ESR1: variants seen among roughly 807,000 people sequenced by gnomAD.
ESR1 encodes the protein estrogen receptor.
ESR1 carries 12 observed loss-of-function variants against 52.7 expected under a neutral mutation model. The observed-to-expected ratio is 0.23, with a 90% CI of 0.15 to 0.37. ESR1 has a LOEUF of 0.37. Among genes scored for constraint, ESR1 ranks in the 10% least tolerant of loss-of-function variants. The probability of loss-of-function intolerance (pLI) is 1.00; values close to 1 mark genes in which losing one functional copy is unlikely to be tolerated. For missense variants in ESR1, 584 were observed against 779.7 expected (o/e 0.75, Z 2.99); for synonymous variants, 305 against 316.8 (o/e 0.96, Z 0.39).
At chr6:151,771,784 T>C (rs771065357) in intron 2 of ESR1, among the ~76,000 whole-genome samples, 1 of 152,260 alleles carries the variant, frequency 6.6e-6, no homozygotes, top group Non-Finnish European at 1.5e-5. Flanking sequence ...CTTTTTACTT[T>C]ACCCACTTCT....
chr6:151,857,679 C>T (rs1377017974), intron 2 of ESR1, among the ~76,000 whole-genome samples: 1 of 152,090 alleles, frequency 6.6e-6, no homozygotes, highest in Non-Finnish European at 1.5e-5. Flanking sequence ...CAGGCGCCTG[C>T]CACCATGCCT....
chr6:152,096,191 C>G (rs985652077), intron 7 of ESR1, among the ~76,000 whole-genome samples: 1 of 152,162 alleles, frequency 6.6e-6, no homozygotes, highest in Non-Finnish European at 1.5e-5. Flanking sequence ...CAAGTGGTAT[C>G]ACTAAAAGGA....
At chr6:152,011,575 T>A (rs2128777139) in intron 4 of ESR1, 81 bp from the exon 5 acceptor site, 1 of 1,535,040 alleles carries the variant, frequency 6.5e-7, no homozygotes, top group South Asian at 1.1e-5. Flanking sequence ...ACCTTGTCAG[T>A]TCAAATCCCT....
chr6:151,696,823 C>T (rs1293935), intron 1 of ESR1, among the ~76,000 whole-genome samples: 10 of 151,880 alleles, frequency 6.6e-5, no homozygotes, highest in Admixed American at 1.3e-4. Flanking sequence ...GAAGTGTAAA[C>T]AGAAGAAGGT....
intron 2 of ESR1, among the ~76,000 whole-genome samples, chr6:151,759,530 A>T (rs4644077): frequency 0.085 from 12,774 of 150,558 alleles, 964 homozygotes; most frequent in East Asian, 0.29. Context: ...ATAATAATAA[A>T]AAAAGAATAA....
intron 2 of ESR1, among the ~76,000 whole-genome samples, chr6:151,862,403 G>A (rs1789045062): frequency 6.6e-6 from 1 of 152,168 alleles, no homozygotes; most frequent in Non-Finnish European, 1.5e-5. Context: ...AGAGTTGGCT[G>A]GAGTTAGTCC....
At chr6:151,782,942 G>A (rs1040220629) in intron 2 of ESR1, among the ~76,000 whole-genome samples, 1 of 152,262 alleles carries the variant, frequency 6.6e-6, no homozygotes, top group East Asian at 1.9e-4. Flanking sequence ...GTGTGTTTAG[G>A]TGAGTTTTAT....
At chr6:151,706,820 T>C (rs851980) in intron 2 of ESR1, among the ~76,000 whole-genome samples, 37,708 of 152,120 alleles carry the variant, frequency 0.25, 4,813 homozygotes, top group Non-Finnish European at 0.26. Flanking sequence ...ATGACTGCTA[T>C]TCAGTAGAAG....
At chr6:151,678,665 C>T (rs1778341215) in intron 1 of ESR1, among the ~76,000 whole-genome samples, 1 of 150,506 alleles carries the variant, frequency 6.6e-6, no homozygotes, top group Admixed American at 6.7e-5. Context: ...AGACACCTGT[C>T]TGGGCTCAAT....
chr6:151,807,994 C>T lies in ESR1; in HGVS notation c.82C>T (p.Arg28Cys), dbSNP rs1341033484. ...AGGGAACGAGCTGGAGCCCCTGAAC[C>T]GTCCGCAGCTCAAGATCCCCCTGGA... ...IQGNELEPLN[R>C]PQLKIPLERP... The change falls in exon 1 of 8, where the codon CGT becomes TGT. Residue 28 changes from arginine to cysteine, a missense_variant. Physicochemically the swap from Arg to Cys is radical, Grantham distance 180. This residue lies in a region of ESR1 where 251 missense variants were observed against 246.1 expected (regional missense o/e 1.02). Coordinates refer to ENST00000206249, the MANE Select transcript of ESR1 (RefSeq NM_000125.4). The T allele has an allele frequency of 2.5e-6, 4 of 1,613,954 alleles. No individual in the cohort carries two copies. Among genetic ancestry groups the T allele is most frequent in the Non-Finnish European group, 3.4e-6 (4 of 1,179,978 alleles).
intron 3 of ESR1, among the ~76,000 whole-genome samples, chr6:151,899,119 CGGGG>C (rs1796089466): frequency 8.3e-6 from 1 of 119,922 alleles, no homozygotes; most frequent in African/African-American, 3.6e-5. Flanking sequence ...GCTGGCCGGG[CGGGG>C]GGCTGACCCC....
intron 3 of ESR1, among the ~76,000 whole-genome samples, chr6:151,899,043 C>G (rs1418943422): frequency 1.4e-5 from 2 of 147,716 alleles, no homozygotes; most frequent in Non-Finnish European, 3.0e-5. Flanking sequence ...ACCCCCACCT[C>G]CCTCCCGGAC....
chr6:151,853,400 G>A (rs1193716365), intron 2 of ESR1, among the ~76,000 whole-genome samples: 3 of 152,016 alleles, frequency 2.0e-5, no homozygotes, highest in South Asian at 2.1e-4. Flanking sequence ...TGGTTAATGC[G>A]ATCCTGTGAA....
At chr6:151,698,309 T>C (rs1366284526) in intron 1 of ESR1, among the ~76,000 whole-genome samples, 1 of 150,390 alleles carries the variant, frequency 6.6e-6, no homozygotes, top group Non-Finnish European at 1.5e-5. Flanking sequence ...CAGGCTGCAG[T>C]GAGCTGACAT....
At chr6:151,971,280 G>A (rs1443481866) in intron 4 of ESR1, among the ~76,000 whole-genome samples, 2 of 152,020 alleles carry the variant, frequency 1.3e-5, no homozygotes, top group African/African-American at 4.8e-5. Context: ...TGAGATTTTG[G>A]TGCATCCATC....
intron 1 of ESR1, among the ~76,000 whole-genome samples, chr6:151,667,979 T>C (rs1400358203): frequency 6.6e-6 from 1 of 152,162 alleles, no homozygotes; most frequent in Non-Finnish European, 1.5e-5. Flanking sequence ...AAAATCAGAC[T>C]CCAAGGATCA....
At chr6:151,854,489 A>G (rs9340819) in intron 2 of ESR1, among the ~76,000 whole-genome samples, 30 of 152,354 alleles carry the variant, frequency 2.0e-4, no homozygotes, top group South Asian at 1.0e-3. Context: ...GGAACCAAAG[A>G]CAAAACAACT....
intron 2 of ESR1, among the ~76,000 whole-genome samples, chr6:151,850,141 A>T (rs1786375548): frequency 1.9e-4 from 1 of 5,314 alleles, no homozygotes; most frequent in South Asian, 4.9e-3. Flanking sequence ...GTACAGGCTG[A>T]ATTGTGTCTC....
chr6:151,789,274 C>CA (rs1176230483), intron 2 of ESR1, among the ~76,000 whole-genome samples: 1 of 152,110 alleles, frequency 6.6e-6, no homozygotes, highest in African/African-American at 2.4e-5. Context: ...CAATAGCTTC[C>CA]AAAGGGGATG....
Sources: gnomAD v4.1 joint callset for allele counts (sites outside exome capture counted in the v4.1 genomes callset) on GRCh38, gnomAD v4.1.1 for gene constraint, gnomAD v4.1.1 regional missense constraint, MANE v1.5 for transcripts, NCBI Gene and HGNC (gene_info 2026-07-23, HGNC 2026-07-21) for gene names.